Variants in HERC2 observed in about 807,000 individuals in gnomAD.
The protein encoded by HERC2 is HECT and RLD domain containing E3 ubiquitin protein ligase 2.
In HERC2, 102 loss-of-function variants were observed where a neutral mutation model predicts 537.7. The observed-to-expected ratio is 0.19, with a 90% CI of 0.16 to 0.22. The LOEUF is 0.22. Ranked by LOEUF, HERC2 falls within the 10% of genes least tolerant of loss-of-function variation. HERC2 has a pLI of 1.00. For missense variants in HERC2, 4,236 were observed against 6,198.2 expected, an observed-to-expected ratio of 0.68 and a Z score of 10.63; for synonymous variants, 2,224 against 2,466.2, an observed-to-expected ratio of 0.90 and a Z score of 2.91.
At chr15:28,277,679 G>A (rs1403257502) in intron 5 of HERC2, among the ~76,000 whole-genome samples, 1 of 152,064 alleles carries the variant, frequency 6.6e-6, no homozygotes, top group African/African-American at 2.4e-5. Flanking sequence ...CCGCCGACCC[G>A]TACATAACAC....
At chr15:28,272,486 A>G in intron 8 of HERC2, 100 bp from the exon 9 acceptor site, 1 of 1,098,132 alleles carries the variant, frequency 9.1e-7, no homozygotes, top group Non-Finnish European at 1.3e-6. Context: ...AAGTGAACAA[A>G]TACTTGGGAT....
chr15:28,210,837 A>G (rs1393803277), intron 44 of HERC2, among the ~76,000 whole-genome samples, 165 bp downstream of exon 44: 3 of 152,124 alleles, frequency 2.0e-5, no homozygotes, highest in African/African-American at 7.2e-5. Flanking sequence ...TTATAAGATG[A>G]CGATGACAAT....
At chr15:28,174,243 T>G in intron 65 of HERC2, 152 bp downstream of exon 65, 7 of 630,904 alleles carry the variant, frequency 1.1e-5, no homozygotes, top group Non-Finnish European at 1.9e-5. Flanking sequence ...ATAAATCGCA[T>G]GAGAGCACAC....
chr15:28,274,090 C>T (rs1453881921), intron 7 of HERC2, among the ~76,000 whole-genome samples: 2 of 152,204 alleles, frequency 1.3e-5, no homozygotes, highest in African/African-American at 4.8e-5. Flanking sequence ...ATCACAGCTT[C>T]CTGGGTCTAG....
chr15:28,286,589 T>C (rs975138082), intron 4 of HERC2, among the ~76,000 whole-genome samples: 5 of 152,030 alleles, frequency 3.3e-5, no homozygotes, highest in Non-Finnish European at 5.9e-5. Flanking sequence ...TCTCAGAAAA[T>C]AGCAACAAAC....
At chr15:28,168,153 T>C (rs572514266) in intron 67 of HERC2, among the ~76,000 whole-genome samples, 1 of 152,358 alleles carries the variant, frequency 6.6e-6, no homozygotes, top group African/African-American at 2.4e-5. Flanking sequence ...TTCTTGACTG[T>C]CAGAACTTTA....
intron 10 of HERC2, among the ~76,000 whole-genome samples, chr15:28,270,236 T>A (rs1355705108): frequency 6.7e-6 from 1 of 150,174 alleles, no homozygotes; most frequent in Non-Finnish European, 1.5e-5. Flanking sequence ...CCACTCTTTT[T>A]ATTTATTTAT....
chr15:28,144,957 A>T (rs987499844), intron 71 of HERC2, among the ~76,000 whole-genome samples, 153 bp from the exon 72 acceptor site: 1 of 152,228 alleles, frequency 6.6e-6, no homozygotes, highest in African/African-American at 2.4e-5. Context: ...CAGTGACACA[A>T]CACTCTTGGG....
intron 70 of HERC2, among the ~76,000 whole-genome samples, chr15:28,149,123 A>G (rs771996814): frequency 2.0e-5 from 3 of 152,106 alleles, no homozygotes; most frequent in Non-Finnish European, 4.4e-5. Flanking sequence ...TAATCTAGTA[A>G]TATTACCAAA....
intron 23 of HERC2, among the ~76,000 whole-genome samples, chr15:28,240,254 T>TG (rs1450045751): frequency 3.3e-5 from 5 of 152,018 alleles, no homozygotes; most frequent in Admixed American, 3.3e-4. Context: ...CCATCTCTAC[T>TG]AAAAATACAA....
chr15:28,238,272 T>A lies in HERC2; in HGVS notation c.3749-55A>T, dbSNP rs1343774628. 103 of 1,261,234 alleles carry A rather than the reference T, an allele frequency of 8.2e-5. 1 individual carries two copies. In the South Asian group the frequency reaches 1.2e-3, roughly 14 times the overall value. The allele number at this position is 1,261,234 out of a possible 1,614,324, so 78.1% of individuals were successfully genotyped here. On this transcript the variant is annotated intron_variant, in intron 24 of 92. Coordinates refer to ENST00000261609, the MANE Select transcript of HERC2 (RefSeq NM_004667.6). ...GTTCAATTCAGCTTGCCTGAAGAGA[T>A]ATAGGAGAAACAGTGAATAGGAAAT...
chr15:28,186,832 GAC>G, intron 55 of HERC2, 80 bp from the exon 56 acceptor site: 1 of 1,000,812 alleles, frequency 1.0e-6, no homozygotes, highest in South Asian at 1.5e-5. Context: ...GGATGTGTGA[GAC>G]ACGAACATGT....
intron 44 of HERC2, among the ~76,000 whole-genome samples, chr15:28,206,643 G>C (rs147451109): frequency 0.014 from 2,081 of 151,204 alleles, 41 homozygotes; most frequent in African/African-American, 0.042. Flanking sequence ...ACCATCCTGG[G>C]TAACACGGTG....
At chr15:28,220,069 G>A (rs1900358206) in intron 37 of HERC2, among the ~76,000 whole-genome samples, 1 of 152,180 alleles carries the variant, frequency 6.6e-6, no homozygotes, top group Non-Finnish European at 1.5e-5. Context: ...ACTGGAGGAG[G>A]AGGCAATGGA....
At chr15:28,321,741 A>G (rs1480985759) in intron 1 of HERC2, among the ~76,000 whole-genome samples, 1 of 133,556 alleles carries the variant, frequency 7.5e-6, no homozygotes, top group Non-Finnish European at 1.5e-5. Flanking sequence ...CCAAGTCACA[A>G]TGTCATCCCC....
At chr15:28,152,184 C>A (rs1173278890) in intron 70 of HERC2, among the ~76,000 whole-genome samples, 1 of 152,234 alleles carries the variant, frequency 6.6e-6, no homozygotes, top group Non-Finnish European at 1.5e-5. Flanking sequence ...TGAACAGCAG[C>A]ACACGTGTCC....
At chr15:28,151,766 C>T (rs76860236) in intron 70 of HERC2, among the ~76,000 whole-genome samples, 1 of 147,646 alleles carries the variant, frequency 6.8e-6, no homozygotes, top group South Asian at 2.3e-4. Flanking sequence ...TTCATAATAA[C>T]ATTAAAAAAA....
In HERC2 at chr15:28,193,566, G is replaced by A. The variant is rs11853593; in HGVS notation, c.8261-1415C>T. Among the ~76,000 whole-genome samples the A allele has an allele frequency of 8.2e-3, 1,251 of 152,274 alleles. 21 individuals carry two copies. Among genetic ancestry groups the A allele is most frequent in the African/African-American group, 0.028 (1,166 of 41,560 alleles). ...CAGAGGCAACATGTGAAGAAATACT[G>A]AAAGACAGAATTTTCCAAAACAGAC... On this transcript the variant is annotated intron_variant, in intron 52 of 92. Coordinates refer to ENST00000261609, the MANE Select transcript of HERC2 (RefSeq NM_004667.6).
At chr15:28,246,509 A>G (rs1386838783) in intron 22 of HERC2, among the ~76,000 whole-genome samples, 2 of 152,142 alleles carry the variant, frequency 1.3e-5, no homozygotes, top group Admixed American at 1.3e-4. Context: ...TGAAATGTCA[A>G]TAATGGAAGT....
Sources: allele counts gnomAD v4.1 joint callset (sites outside exome capture counted in the v4.1 genomes callset), GRCh38; gene constraint gnomAD v4.1.1; transcripts MANE v1.5; gene names NCBI Gene and HGNC (gene_info 2026-07-23, HGNC 2026-07-21).